GTF2I: variants seen among roughly 807,000 people sequenced by gnomAD.
GTF2I encodes the protein general transcription factor II-I.
A neutral mutation model predicts 67.6 loss-of-function variants in GTF2I; 12 were observed. That is an observed-to-expected ratio of 0.18 (90% CI 0.11 to 0.29). The LOEUF (loss-of-function observed/expected upper bound fraction) is 0.29. GTF2I is among the 10% of genes least tolerant of loss of function. GTF2I has a pLI of 1.00. For synonymous variants in GTF2I, 149 were observed against 197.0 expected (o/e 0.76, Z 2.04); for missense variants, 271 against 580.1 (o/e 0.47, Z 5.47).
intron 8 of GTF2I, among the ~76,000 whole-genome samples, chr7:74,707,847 TTATG>T (rs781945368): frequency 6.6e-6 from 1 of 152,314 alleles, no homozygotes; most frequent in East Asian, 1.9e-4. Context: ...TCAACTGTCT[TTATG>T]TACACATCAG....
intron 1 of GTF2I, among the ~76,000 whole-genome samples, chr7:74,680,511 C>T (rs971914126): frequency 2.0e-5 from 3 of 151,980 alleles, no homozygotes; most frequent in Admixed American, 6.6e-5. Flanking sequence ...TAGACTGAGG[C>T]GGGAGGATCA....
At chr7:74,720,618 ACTC>A (rs1792834706) in intron 12 of GTF2I, among the ~76,000 whole-genome samples, 1 of 152,118 alleles carries the variant, frequency 6.6e-6, no homozygotes, top group Non-Finnish European at 1.5e-5. Context: ...TATTACAACT[ACTC>A]AGCTGTGCCC....
intron 1 of GTF2I, chr7:74,687,578 G>A: frequency 1.0e-6 from 1 of 981,088 alleles, no homozygotes; most frequent in African/African-American, 1.7e-5. Context: ...TTCGTTACTT[G>A]TTGATGGGTA....
At chr7:74,700,535 C>A in intron 5 of GTF2I, 71 bp from the exon 6 acceptor site, 1 of 1,592,862 alleles carries the variant, frequency 6.3e-7, no homozygotes, top group South Asian at 1.1e-5. Context: ...ACACAGAAGT[C>A]ATTTAAATGT....
In GTF2I at chr7:74,661,381, C is replaced by T. The variant is rs770130375; in HGVS notation, c.-6+3313C>T. ...TATTGGAGATATTTGCTTTTTCTTACTTTAAAATTAGATCTTGGCCGGGTG... is the reference window on the plus strand; with the variant it reads ...TATTGGAGATATTTGCTTTTTCTTATTTTAAAATTAGATCTTGGCCGGGTG... On this transcript the variant is annotated intron_variant, in intron 1 of 34. Coordinates refer to ENST00000573035, the MANE Select transcript of GTF2I (RefSeq NM_032999.4). Among the ~76,000 whole-genome samples the T allele has an allele frequency of 3.0e-4, 45 of 152,162 alleles. 1 individual carries two copies. Among genetic ancestry groups the T allele is most frequent in the Non-Finnish European group, 6.3e-4 (43 of 67,982 alleles).
At chr7:74,676,808 C>A (rs371824636) in intron 1 of GTF2I, among the ~76,000 whole-genome samples, 1 of 152,114 alleles carries the variant, frequency 6.6e-6, no homozygotes, top group Non-Finnish European at 1.5e-5. Flanking sequence ...GTAATCCCAG[C>A]ACTTTAGGAG....
intron 9 of GTF2I, 86 bp from the exon 10 acceptor site, chr7:74,714,771 A>G: frequency 1.4e-6 from 1 of 719,246 alleles, no homozygotes; most frequent in Non-Finnish European, 2.3e-6. Flanking sequence ...CATTCCATGT[A>G]TCTCACCCAA....
chr7:74,697,482 C>T (rs587632991), intron 3 of GTF2I, among the ~76,000 whole-genome samples: 5 of 152,250 alleles, frequency 3.3e-5, no homozygotes, highest in South Asian at 2.1e-4. Flanking sequence ...ACTCATGAAA[C>T]ATCTGAATTT....
chr7:74,677,070 A>G (rs1438177460), intron 1 of GTF2I, among the ~76,000 whole-genome samples: 1 of 152,092 alleles, frequency 6.6e-6, no homozygotes, highest in African/African-American at 2.4e-5. Flanking sequence ...AAAACAAAAC[A>G]AAAACAAAAC....
intron 12 of GTF2I, chr7:74,727,099 A>G (rs1270328460): frequency 6.6e-6 from 1 of 152,206 alleles, no homozygotes; most frequent in Non-Finnish European, 1.5e-5. Flanking sequence ...ATCCTTTACA[A>G]AAGCACTTCT....
chr7:74,695,926 G>A (rs1319192167), intron 3 of GTF2I, among the ~76,000 whole-genome samples: 1 of 152,020 alleles, frequency 6.6e-6, no homozygotes, highest in Non-Finnish European at 1.5e-5. Flanking sequence ...TAAGCATTAA[G>A]GGCGCTGTCC....
chr7:74,711,609 A>G (rs1409332538), intron 9 of GTF2I, among the ~76,000 whole-genome samples: 1 of 152,158 alleles, frequency 6.6e-6, no homozygotes, highest in Non-Finnish European at 1.5e-5. Flanking sequence ...CCCAGTATTC[A>G]GGCAACACGG....
At chr7:74,679,675 C>A (rs587603287) in intron 1 of GTF2I, among the ~76,000 whole-genome samples, 1 of 151,806 alleles carries the variant, frequency 6.6e-6, no homozygotes, top group Non-Finnish European at 1.5e-5. Context: ...AGACCTCAAG[C>A]GATCCTCCTA....
chr7:74,674,291 C>G (rs1450386997), intron 1 of GTF2I, among the ~76,000 whole-genome samples: 3 of 152,062 alleles, frequency 2.0e-5, no homozygotes, highest in Non-Finnish European at 2.9e-5. Flanking sequence ...GTGTCGAACT[C>G]TTGGTCTTAA....
intron 1 of GTF2I, among the ~76,000 whole-genome samples, chr7:74,674,422 C>A (rs782347484): frequency 8.5e-5 from 13 of 152,172 alleles, no homozygotes; most frequent in Admixed American, 4.6e-4. Flanking sequence ...ACAAAACTTG[C>A]TCACATATCT....
At chr7:74,661,956 A>G (rs1250116250) in intron 1 of GTF2I, among the ~76,000 whole-genome samples, 1 of 152,088 alleles carries the variant, frequency 6.6e-6, no homozygotes, top group Non-Finnish European at 1.5e-5. Context: ...TCAGATGCCC[A>G]AAGTCTGCCA....
At chr7:74,681,325 C>CT (rs1787249253) in intron 1 of GTF2I, among the ~76,000 whole-genome samples, 1 of 151,994 alleles carries the variant, frequency 6.6e-6, no homozygotes, top group Non-Finnish European at 1.5e-5. Flanking sequence ...ATCCGAACTA[C>CT]TTGGGAGGCT....
chr7:74,659,365 C>G (rs1334992246), intron 1 of GTF2I, among the ~76,000 whole-genome samples: 1 of 151,838 alleles, frequency 6.6e-6, no homozygotes, highest in African/African-American at 2.4e-5. Context: ...GTGGCTGGGA[C>G]TACAGGCGCA....
Position 74,711,042 on chromosome 7 carries a change from G to A in GTF2I, c.696G>A (p.Leu232=), listed in dbSNP as rs782515162. 2 of 1,530,044 alleles carry A rather than the reference G, an allele frequency of 1.3e-6. No homozygotes were observed. The highest frequency in any genetic ancestry group is 1.8e-6 in the Non-Finnish European group (2 of 1,121,052). 94.8% of individuals were successfully genotyped at this position (1,530,044 alleles called of 1,614,324 possible). ...TEPTEDSGIS[L]EMAAVTVKEE... is the part of the protein sequence containing the mutation. ...CATTTGCTTTTCTAGGCATTTCCCT[G>A]GAAATGGCAGCTGTGACAGTAAAGG... The change falls in exon 9 of 35, where the codon CTG becomes CTA. Residue 232 remains leucine, a synonymous_variant. Transcript: ENST00000573035.
Sources: gnomAD v4.1 joint callset for allele counts (sites outside exome capture counted in the v4.1 genomes callset) on GRCh38, gnomAD v4.1.1 for gene constraint, MANE v1.5 for transcripts, NCBI Gene and HGNC (gene_info 2026-07-23, HGNC 2026-07-21) for gene names.